Variants in KLHL6 observed in about 807,000 individuals in gnomAD.
The protein encoded by KLHL6 is kelch like family member 6.
A neutral mutation model predicts 58.6 loss-of-function variants in KLHL6; 41 were observed. The observed-to-expected ratio is 0.70, with a 90% CI of 0.55 to 0.91. The LOEUF (loss-of-function observed/expected upper bound fraction) is 0.91. Among genes scored for constraint, KLHL6 ranks in the 40% least tolerant of loss-of-function variants. The pLI is 0.00. For missense variants in KLHL6, 714 were observed against 805.6 expected (o/e 0.89, Z 1.38); for synonymous variants, 338 against 322.7 (o/e 1.05, Z -0.51).
chr3:183,554,068 A>C (rs1713024415), intron 1 of KLHL6, among the ~76,000 whole-genome samples: 1 of 152,218 alleles, frequency 6.6e-6, no homozygotes, highest in Non-Finnish European at 1.5e-5. Context: ...TCAAGAGTTA[A>C]GAAGAATCTC....
chr3:183,526,942 T>C (rs901918088), intron 2 of KLHL6, among the ~76,000 whole-genome samples: 1 of 151,556 alleles, frequency 6.6e-6, no homozygotes, highest in African/African-American at 2.4e-5. Context: ...CTACTAAAAA[T>C]ACAAAAATCA....
intron 1 of KLHL6, among the ~76,000 whole-genome samples, chr3:183,546,820 G>A (rs1712734387): frequency 6.6e-6 from 1 of 152,192 alleles, no homozygotes; most frequent in Admixed American, 6.5e-5. Flanking sequence ...TGTAGACATC[G>A]GCGTTGAGCC....
At chr3:183,509,400 C>A (rs1215636968) in intron 2 of KLHL6, among the ~76,000 whole-genome samples, 2 of 152,048 alleles carry the variant, frequency 1.3e-5, no homozygotes, top group African/African-American at 4.8e-5. Context: ...TACATTGTGA[C>A]CTTATTTTTA....
Position 183,492,818 on chromosome 3 carries a change from G to T in KLHL6, c.1351-111C>A. 1 of 963,664 alleles carries T rather than the reference G, an allele frequency of 1.0e-6. No homozygotes were observed. The highest frequency in any genetic ancestry group is 1.6e-6 in the Non-Finnish European group (1 of 641,756). The allele number at this position is 963,664 out of a possible 1,614,324, so 59.7% of individuals were successfully genotyped here. On this transcript the variant is annotated intron_variant, in intron 5 of 6. Transcript: ENST00000341319. This position sits in a 1 kb window ranked among gnomAD's most constrained non-coding sequence, Gnocchi z 5.9. ...CGGGACACAGAACTGGGCATCTTTT[G>T]CCTATAGTCACAAGGCCCATGGGCT...
At chr3:183,531,560 C>T (rs1712165663) in intron 1 of KLHL6, among the ~76,000 whole-genome samples, 1 of 150,910 alleles carries the variant, frequency 6.6e-6, no homozygotes, top group African/African-American at 2.5e-5. Flanking sequence ...CGCCATTCTC[C>T]TCCAGCCTCC....
chr3:183,498,846 T>C (rs368962448), intron 4 of KLHL6, among the ~76,000 whole-genome samples: 8 of 152,202 alleles, frequency 5.3e-5, no homozygotes, highest in African/African-American at 1.7e-4. Flanking sequence ...GAAAAAGTAT[T>C]GGGCCCTACT....
chr3:183,546,912 T>TC (rs11391743), intron 1 of KLHL6, among the ~76,000 whole-genome samples: 2 of 5,094 alleles, frequency 3.9e-4, no homozygotes, highest in African/African-American at 1.0e-3. Context: ...GCCATAAGTC[T>TC]TTTTTTTTTT....
At chr3:183,537,343 A>G (rs865879478) in intron 1 of KLHL6, among the ~76,000 whole-genome samples, 1 of 152,154 alleles carries the variant, frequency 6.6e-6, no homozygotes, top group Non-Finnish European at 1.5e-5. Flanking sequence ...TCAGCGCTCA[A>G]TGGACCAGCC....
At chr3:183,493,835 T>A (rs955869486) in intron 5 of KLHL6, 2 of 525,122 alleles carry the variant, frequency 3.8e-6, no homozygotes, top group Non-Finnish European at 6.9e-6. Context: ...TGGGGTTCTG[T>A]CCAAATTAGG....
At position 183,508,063 on chromosome 3, in the gene KLHL6, T is replaced by C. The variant is rs1380290864; in HGVS notation, c.905A>G (p.Asn302Ser). Residue 302 changes from asparagine to serine, a missense_variant, in exon 3 of 7, where the codon AAT (asparagine) becomes AGT (serine). By Grantham distance (46) the Asn-to-Ser change is conservative. This residue lies in a region of KLHL6 where 510 missense variants were observed against 629.7 expected (regional missense o/e 0.81). Transcript: ENST00000341319. The part of the protein sequence containing the change: ...QEARMYHLSG[N>S]EIISERTKPR... The stretch of plus-strand genomic sequence containing the variant: ...CACCTCTTATCTTCTACTCACCTCA[T>C]TGCCAGAAAGGTGGTACATCCTGGC... The C allele has an allele frequency of 6.2e-7, 1 of 1,613,268 alleles. No individual in the cohort carries two copies. Among genetic ancestry groups the C allele is most frequent in the East Asian group, 2.2e-5 (1 of 44,858 alleles).
chr3:183,527,254 T>C (rs1354710468), intron 2 of KLHL6, among the ~76,000 whole-genome samples: 1 of 152,158 alleles, frequency 6.6e-6, no homozygotes, highest in African/African-American at 2.4e-5. Context: ...AAATGATCAA[T>C]AGCTATGACT....
chr3:183,512,815 T>A (rs1017900716), intron 2 of KLHL6, among the ~76,000 whole-genome samples: 18 of 151,230 alleles, frequency 1.2e-4, no homozygotes, highest in African/African-American at 4.4e-4. Flanking sequence ...TATAAATAAA[T>A]AAATAAATAT....
chr3:183,514,653 C>A (rs1560099107), intron 2 of KLHL6, among the ~76,000 whole-genome samples: 1 of 151,712 alleles, frequency 6.6e-6, no homozygotes, highest in Non-Finnish European at 1.5e-5. Flanking sequence ...TGTTTTCTTT[C>A]TTTTTTTAAA....
chr3:183,490,173 C>A lies in KLHL6; in HGVS notation c.*1754G>T, dbSNP rs954612062. 2 of 152,040 alleles carry A rather than the reference C, an allele frequency of 1.3e-5. No homozygotes were observed. The highest frequency in any genetic ancestry group is 4.8e-5 in the African/African-American group (2 of 41,378). The allele number at this position is 152,040 out of a possible 1,614,324, so 9.4% of individuals were successfully genotyped here. Reference sequence around the variant, plus strand: ...AGGACAGATTCTGTTCTTTAAGTCACAATTGAGCTACACTGATCAAAAAAC... The same window carrying A: ...AGGACAGATTCTGTTCTTTAAGTCAAAATTGAGCTACACTGATCAAAAAAC... On this transcript the variant is annotated 3_prime_UTR_variant, in exon 7 of 7. Coordinates refer to ENST00000341319, the MANE Select transcript of KLHL6 (RefSeq NM_130446.4).
At chr3:183,514,069 C>T (rs568467520) in intron 2 of KLHL6, among the ~76,000 whole-genome samples, 19 of 152,294 alleles carry the variant, frequency 1.2e-4, no homozygotes, top group African/African-American at 3.9e-4. Flanking sequence ...TTTATGGCTG[C>T]GAGCATCTAT....
chr3:183,508,531 A>C lies in KLHL6; in HGVS notation c.460-23T>G, dbSNP rs746616026. 6.3e-6 allele frequency: 10 copies of C among 1,599,050 alleles called. No homozygotes were observed. In the African/African-American group the frequency reaches 1.2e-4, roughly 19 times the overall value. On this transcript the variant is annotated intron_variant, in intron 2 of 6. Coordinates refer to ENST00000341319, the MANE Select transcript of KLHL6 (RefSeq NM_130446.4). Reference sequence around the variant, plus strand: ...GAACTGATGAAATAGAAAGGGTGGAAAGGAGGCCAGAAAATGGTGAGTCCA... The same window carrying C: ...GAACTGATGAAATAGAAAGGGTGGACAGGAGGCCAGAAAATGGTGAGTCCA...
intron 2 of KLHL6, among the ~76,000 whole-genome samples, chr3:183,512,115 C>T (rs1393421266): frequency 1.3e-5 from 2 of 152,222 alleles, no homozygotes; most frequent in African/African-American, 4.8e-5. Context: ...GACCAAGCCT[C>T]GTGAGCCCTC....
At chr3:183,548,360 C>G (rs569025811) in intron 1 of KLHL6, among the ~76,000 whole-genome samples, 152 of 152,250 alleles carry the variant, frequency 1.0e-3, no homozygotes, top group Middle Eastern at 3.4e-3. Flanking sequence ...GGTTATCAGG[C>G]TTTTCTCTGC....
chr3:183,552,497 T>C (rs1712961633), intron 1 of KLHL6, among the ~76,000 whole-genome samples: 1 of 151,746 alleles, frequency 6.6e-6, no homozygotes, highest in South Asian at 2.1e-4. Context: ...GGCGGGTGGA[T>C]CTCGAGGTCA....
Sources: allele counts gnomAD v4.1 joint callset (sites outside exome capture counted in the v4.1 genomes callset), GRCh38; gene constraint gnomAD v4.1.1; regional missense constraint gnomAD v4.1.1; non-coding constraint Gnocchi (gnomAD v3.1); transcripts MANE v1.5; gene names NCBI Gene and HGNC (gene_info 2026-07-23, HGNC 2026-07-21).